Variants in DENND5B observed in about 807,000 individuals in gnomAD.
DENND5B encodes the protein DENN domain-containing protein 5B.
A neutral mutation model predicts 140.6 loss-of-function variants in DENND5B; 34 were observed. The observed-to-expected ratio is 0.24, with a 90% CI of 0.18 to 0.32. The LOEUF (loss-of-function observed/expected upper bound fraction) is 0.32, where lower values mean the gene tolerates loss of function less well. Ranked by LOEUF, DENND5B falls within the 10% of genes least tolerant of loss-of-function variation. DENND5B has a pLI of 1.00. For synonymous variants in DENND5B, 551 were observed against 562.1 expected (o/e 0.98, Z 0.28); for missense variants, 1,142 against 1,560.2 (o/e 0.73, Z 4.52).
intron 1 of DENND5B, among the ~76,000 whole-genome samples, chr12:31,515,123 T>TA (rs964153107): frequency 6.6e-6 from 1 of 152,026 alleles, no homozygotes; most frequent in Non-Finnish European, 1.5e-5. Context: ...ACCCTGTCTC[T>TA]AAAAAGAAAA....
chr12:31,484,208 C>T (rs1946198565), intron 2 of DENND5B, among the ~76,000 whole-genome samples: 1 of 152,124 alleles, frequency 6.6e-6, no homozygotes, highest in Non-Finnish European at 1.5e-5. Flanking sequence ...TGGAGACAAC[C>T]ACAACATCGA....
chr12:31,466,406 T>C (rs1945269322), intron 3 of DENND5B, among the ~76,000 whole-genome samples: 1 of 150,590 alleles, frequency 6.6e-6, no homozygotes, highest in Admixed American at 6.6e-5. Flanking sequence ...GATTAACATG[T>C]TTAAGGCTGG....
At chr12:31,534,090 T>C (rs1948394028) in intron 1 of DENND5B, among the ~76,000 whole-genome samples, 1 of 152,144 alleles carries the variant, frequency 6.6e-6, no homozygotes, top group Non-Finnish European at 1.5e-5. Context: ...GGATGTACAG[T>C]ATTTAAAAAT....
chr12:31,487,723 AC>A (rs1362367912), intron 2 of DENND5B, among the ~76,000 whole-genome samples: 3 of 152,068 alleles, frequency 2.0e-5, no homozygotes, highest in African/African-American at 7.2e-5. Flanking sequence ...AACAAAAACA[AC>A]AAAAAACCCT....
chr12:31,447,840 TTA>T, intron 5 of DENND5B, 71 bp from the exon 6 acceptor site: 1 of 1,043,306 alleles, frequency 9.6e-7, no homozygotes, highest in Middle Eastern at 2.1e-4. Flanking sequence ...AGCCTGAAAA[TTA>T]TGTTAACTCA....
At chr12:31,433,065 T>C (rs557931998) in intron 8 of DENND5B, 90 bp downstream of exon 8, 2 of 1,094,126 alleles carry the variant, frequency 1.8e-6, no homozygotes, top group South Asian at 1.4e-5. Flanking sequence ...TTAAAGAACA[T>C]TAAGAATCTA....
At chr12:31,548,436 T>C (rs1206594506) in intron 1 of DENND5B, among the ~76,000 whole-genome samples, 1 of 151,886 alleles carries the variant, frequency 6.6e-6, no homozygotes. Flanking sequence ...AGCGACTCTC[T>C]CACCAGAAGC....
intron 11 of DENND5B, among the ~76,000 whole-genome samples, chr12:31,418,484 C>T (rs1942872557): frequency 6.6e-6 from 1 of 150,872 alleles, no homozygotes; most frequent in Admixed American, 6.6e-5. Context: ...GGGGTTTTGT[C>T]TCTATGTTTA....
intron 5 of DENND5B, among the ~76,000 whole-genome samples, chr12:31,448,429 C>A (rs1944367412): frequency 6.6e-6 from 1 of 152,180 alleles, no homozygotes; most frequent in Non-Finnish European, 1.5e-5. Context: ...GCCACCGCGC[C>A]CAGCTACAAG....
At chr12:31,429,374 T>C (rs991880164) in intron 8 of DENND5B, among the ~76,000 whole-genome samples, 1 of 152,222 alleles carries the variant, frequency 6.6e-6, no homozygotes, top group African/African-American at 2.4e-5. Flanking sequence ...AAGGTCTATA[T>C]AAATGGTCTG....
At chr12:31,411,082 A>G (rs1450263182) in intron 13 of DENND5B, among the ~76,000 whole-genome samples, 1 of 145,668 alleles carries the variant, frequency 6.9e-6, no homozygotes, top group Non-Finnish European at 1.5e-5. Flanking sequence ...CTTATTGCCC[A>G]GGCTAGAGTG....
At chr12:31,483,433 A>G (rs1488086284) in intron 2 of DENND5B, among the ~76,000 whole-genome samples, 2 of 151,710 alleles carry the variant, frequency 1.3e-5, no homozygotes, top group African/African-American at 4.9e-5. Context: ...ATGTGGTTAT[A>G]GTATACATCT....
chr12:31,462,733 T>C (rs768846504), intron 3 of DENND5B, among the ~76,000 whole-genome samples: 3 of 151,960 alleles, frequency 2.0e-5, no homozygotes, highest in Non-Finnish European at 4.4e-5. Flanking sequence ...CCGAGGTGGG[T>C]GGATTACCTG....
chr12:31,426,340 T>C lies in DENND5B; in HGVS notation c.2191A>G (p.Thr731Ala). Residue 731 changes from threonine (T) to alanine (A), a missense_variant, in exon 9 of 21, where the codon ACC becomes GCC. Physicochemically the swap from Thr to Ala is moderately conservative, Grantham distance 58. This residue lies in a region of DENND5B where 708 missense variants were observed against 905.5 expected (regional missense o/e 0.78). Transcript: ENST00000389082. ...SDLSPAVIAQ[T>A]NCKFVEGLLK... ...AAGCCTTCTACGAATTTACAGTTGG[T>C]CTGTGCAATAACTGCAGGAGAGAGG... 1.2e-6 allele frequency: 2 copies of C among 1,611,450 alleles called. No individual in the cohort carries two copies. Among genetic ancestry groups the C allele is most frequent in the South Asian group, 1.1e-5 (1 of 90,402 alleles).
intron 6 of DENND5B, among the ~76,000 whole-genome samples, chr12:31,444,360 C>T (rs1159886103): frequency 6.6e-6 from 1 of 152,166 alleles, no homozygotes; most frequent in Non-Finnish European, 1.5e-5. Context: ...TCTCCTGCCT[C>T]AGCCTCCCGA....
intron 1 of DENND5B, among the ~76,000 whole-genome samples, chr12:31,583,063 G>A (rs1216482503): frequency 6.6e-6 from 1 of 152,194 alleles, no homozygotes; most frequent in South Asian, 2.1e-4. Context: ...GGAGGCCAAG[G>A]TGGGTGGATC....
chr12:31,587,019 G>A (rs1314333319), intron 1 of DENND5B, among the ~76,000 whole-genome samples: 1 of 152,118 alleles, frequency 6.6e-6, no homozygotes, highest in East Asian at 1.9e-4. Flanking sequence ...CTGTTTTCCT[G>A]CCATGTCACT....
At position 31,423,029 on chromosome 12, in the gene DENND5B, C is replaced by T. The variant is rs569610073; in HGVS notation, c.2470+568G>A. Among the ~76,000 whole-genome samples the T allele has an allele frequency of 6.7e-4, 102 of 151,804 alleles. 4 individuals are homozygous for T. In the South Asian group the frequency reaches 0.013, roughly 20 times the overall value. On this transcript the variant is annotated intron_variant, in intron 11 of 20. Transcript: ENST00000389082. The stretch of plus-strand genomic sequence containing the variant: ...CTTCTCGGCTCACTGCAACCTTTGC[C>T]TCCCGGGTTCAAGCGATTCTCCTGC...
In DENND5B at chr12:31,479,735, G is replaced by C. The variant is rs1381783720; in HGVS notation, c.758C>G (p.Pro253Arg). 6.2e-7 allele frequency: 1 copy of C among 1,601,390 alleles called. No homozygotes were observed. The highest frequency in any genetic ancestry group is 8.5e-7 in the Non-Finnish European group (1 of 1,174,018). The stretch of plus-strand genomic sequence containing the variant: ...GGGCCCAGGCCTCTGGCAGATGACA[G>C]GTTCATAAACACCATAAAATTTCAG... The part of the protein sequence containing the change: ...RSLKFYGVYE[P>R]VICQRPGPSE... Residue 253 changes from proline (P) to arginine (R), a missense_variant, in exon 3 of 21, where the codon CCT becomes CGT. This residue lies in a region of DENND5B where 708 missense variants were observed against 905.5 expected (regional missense o/e 0.78). Coordinates refer to ENST00000389082, the MANE Select transcript of DENND5B (RefSeq NM_144973.4).
Sources: gnomAD v4.1 joint callset for allele counts (sites outside exome capture counted in the v4.1 genomes callset) on GRCh38, gnomAD v4.1.1 for gene constraint, gnomAD v4.1.1 regional missense constraint, MANE v1.5 for transcripts, NCBI Gene and HGNC (gene_info 2026-07-23, HGNC 2026-07-21) for gene names.